The following ZNF892 variants were observed in gnomAD, a reference collection of about 807,000 sequenced individuals.
The protein encoded by ZNF892 is zinc finger protein 570-like.
chr2:95,257,573 G>A, the ZNF892 span, among the ~76,000 whole-genome samples: 6 of 152,342 alleles, frequency 3.9e-5, no homozygotes, highest in South Asian at 1.2e-3. Flanking sequence ...TGCATGCTGG[G>A]AGAACCACTG....
chr2:95,208,667 A>G, the ZNF892 span: 1 of 398,642 alleles, frequency 2.5e-6, no homozygotes, highest in Non-Finnish European at 4.4e-6. Flanking sequence ...TTGAGGACTC[A>G]GACCTTCTCC....
At chr2:95,230,357 C>T in the ZNF892 span, among the ~76,000 whole-genome samples, 7 of 152,034 alleles carry the variant, frequency 4.6e-5, no homozygotes, top group Non-Finnish European at 1.0e-4. Flanking sequence ...CTGTTCCCTC[C>T]AAAATTTGAA....
the ZNF892 span, among the ~76,000 whole-genome samples, chr2:95,217,914 A>G: frequency 5.9e-5 from 9 of 152,204 alleles, no homozygotes; most frequent in African/African-American, 2.2e-4. Context: ...AGGCATCCCC[A>G]ATGGTCTCTG....
At chr2:95,219,798 A>G in the ZNF892 span, among the ~76,000 whole-genome samples, 8 of 152,196 alleles carry the variant, frequency 5.3e-5, no homozygotes, top group African/African-American at 1.9e-4. Context: ...CAGGTTCACC[A>G]TTGACCTCTA....
the ZNF892 span, among the ~76,000 whole-genome samples, chr2:95,215,794 A>G: frequency 1.5e-4 from 23 of 152,340 alleles, no homozygotes; most frequent in Non-Finnish European, 2.9e-4. Context: ...GGCAGAGGAC[A>G]CTGACATTCC....
chr2:95,261,587 G>A, the ZNF892 span, among the ~76,000 whole-genome samples: 1 of 152,184 alleles, frequency 6.6e-6, no homozygotes, highest in African/African-American at 2.4e-5. Context: ...GAGCCACCAC[G>A]ACTGGCCTCC....
At chr2:95,250,546 T>C in the ZNF892 span, among the ~76,000 whole-genome samples, 1 of 147,130 alleles carries the variant, frequency 6.8e-6, no homozygotes, top group South Asian at 2.1e-4. Flanking sequence ...TTTATAAATT[T>C]AAAATAGTCA....
the ZNF892 span, among the ~76,000 whole-genome samples, chr2:95,232,730 T>C: frequency 1.8e-5 from 1 of 55,064 alleles, no homozygotes; most frequent in African/African-American, 8.8e-5. Context: ...AAGGATTCTA[T>C]TTTATCATCG....
the ZNF892 span, among the ~76,000 whole-genome samples, chr2:95,211,442 C>T: frequency 6.6e-6 from 1 of 152,210 alleles, no homozygotes; most frequent in African/African-American, 2.4e-5. Flanking sequence ...GAGAGTGAGT[C>T]TGTGGACTAC....
the ZNF892 span, among the ~76,000 whole-genome samples, chr2:95,220,857 A>G: frequency 6.6e-6 from 1 of 152,220 alleles, no homozygotes; most frequent in East Asian, 1.9e-4. Flanking sequence ...AAGAATATAA[A>G]CTATAGGGTT....
At chr2:95,217,419 A>G in the ZNF892 span, among the ~76,000 whole-genome samples, 4 of 152,184 alleles carry the variant, frequency 2.6e-5, no homozygotes, top group African/African-American at 9.7e-5. Flanking sequence ...ACAGCCCCCA[A>G]AGCCCTAACT....
chr2:95,260,225 A>G, the ZNF892 span, among the ~76,000 whole-genome samples: 5 of 152,158 alleles, frequency 3.3e-5, no homozygotes, highest in African/African-American at 9.7e-5. Context: ...TCATTTCTGC[A>G]TCTGTACTCA....
the ZNF892 span, among the ~76,000 whole-genome samples, chr2:95,249,336 G>A: frequency 7.1e-6 from 1 of 141,684 alleles, no homozygotes; most frequent in South Asian, 2.3e-4. Context: ...TGCTTCCTGG[G>A]TTCAAGCGTT....
the ZNF892 span, among the ~76,000 whole-genome samples, chr2:95,248,102 A>G: frequency 6.6e-6 from 1 of 152,216 alleles, no homozygotes; most frequent in Admixed American, 6.5e-5. Context: ...GCCTATCAAC[A>G]GTGGATTGGA....
the ZNF892 span, among the ~76,000 whole-genome samples, chr2:95,207,116 T>C: frequency 1.3e-5 from 2 of 152,182 alleles, no homozygotes; most frequent in African/African-American, 4.8e-5. Context: ...CTGGTTAAAG[T>C]AAACTGAGAT....
At chr2:95,248,672 A>G in the ZNF892 span, among the ~76,000 whole-genome samples, 1 of 152,170 alleles carries the variant, frequency 6.6e-6, no homozygotes, top group African/African-American at 2.4e-5. Context: ...GAGAAAAAAA[A>G]AACTAATCTC....
chr2:95,243,149 G>C, the ZNF892 span, among the ~76,000 whole-genome samples: 64 of 152,314 alleles, frequency 4.2e-4, no homozygotes, highest in Middle Eastern at 6.8e-3. Flanking sequence ...CGTTCACTCA[G>C]TGCTCAGTGG....
chr2:95,234,450 C>G, the ZNF892 span, among the ~76,000 whole-genome samples: 1 of 152,186 alleles, frequency 6.6e-6, no homozygotes, highest in African/African-American at 2.4e-5. Context: ...GAAGGAGTGC[C>G]GCACAGAGAG....
At chr2:95,220,675 A>T in the ZNF892 span, among the ~76,000 whole-genome samples, 1 of 152,114 alleles carries the variant, frequency 6.6e-6, no homozygotes, top group African/African-American at 2.4e-5. Flanking sequence ...GTGGTATATA[A>T]CCTAAGGGTT....
Sources: gnomAD v4.1 joint callset for allele counts (sites outside exome capture counted in the v4.1 genomes callset) on GRCh38, gnomAD v4.1.1 for gene constraint, MANE v1.5 for transcripts, NCBI Gene and HGNC (gene_info 2026-07-23, HGNC 2026-07-21) for gene names.